Variants in GABRB3 observed in about 807,000 individuals in gnomAD.
The protein encoded by GABRB3 is gamma-aminobutyric acid receptor subunit beta-3.
In GABRB3, 14 loss-of-function variants were observed where a neutral mutation model predicts 52.1. The ratio of observed to expected loss-of-function variants is 0.27; its 90% CI spans 0.18 to 0.42. The LOEUF (loss-of-function observed/expected upper bound fraction) is 0.42. Ranked by LOEUF, GABRB3 falls within the 10% of genes least tolerant of loss-of-function variation. The pLI is 1.00. For missense variants in GABRB3, 307 were observed against 609.1 expected (o/e 0.50, Z 5.22); for synonymous variants, 260 against 232.3 (o/e 1.12, Z -1.08).
chr15:26,740,844 T>A (rs569046486), intron 3 of GABRB3, among the ~76,000 whole-genome samples: 1 of 152,170 alleles, frequency 6.6e-6, no homozygotes, highest in South Asian at 2.1e-4. Flanking sequence ...ACTCTCAGAG[T>A]CTGCTGGTGT....
At chr15:26,606,780 A>ATATCTATC (rs1483873150) in intron 4 of GABRB3, among the ~76,000 whole-genome samples, 2 of 131,952 alleles carry the variant, frequency 1.5e-5, no homozygotes, top group Admixed American at 8.8e-5. Flanking sequence ...ATAGATAGAT[A>ATATCTATC]GATATATCTA....
chr15:26,727,475 T>C (rs1889804523), intron 3 of GABRB3, among the ~76,000 whole-genome samples: 1 of 152,236 alleles, frequency 6.6e-6, no homozygotes, highest in African/African-American at 2.4e-5. Context: ...AATTCTGTTC[T>C]ATGCTGTTTC....
At chr15:26,729,270 C>T (rs981047964) in intron 3 of GABRB3, among the ~76,000 whole-genome samples, 20 of 151,996 alleles carry the variant, frequency 1.3e-4, no homozygotes, top group African/African-American at 4.1e-4. Flanking sequence ...CCGACTGGCC[C>T]TCGGGAGTGA....
chr15:26,598,423 C>A lies in GABRB3; in HGVS notation c.462-15009G>T, dbSNP rs1297954264. On this transcript the variant is annotated intron_variant, in intron 4 of 8. Coordinates refer to ENST00000311550, the MANE Select transcript of GABRB3 (RefSeq NM_000814.6). ...GCCAGACTACACCTTCACCCCTCCA[C>A]CCCACAGAGAAAGATCAAATAGCCA... is the stretch of plus-strand genomic sequence containing the variant. Among the ~76,000 whole-genome samples the A allele has an allele frequency of 1.3e-5, 2 of 152,096 alleles. 1 individual carries two copies. The highest frequency in any genetic ancestry group is 3.9e-4 in the East Asian group (2 of 5,186).
intron 3 of GABRB3, among the ~76,000 whole-genome samples, chr15:26,724,341 A>T (rs1476590541): frequency 6.6e-6 from 1 of 152,124 alleles, no homozygotes; most frequent in Non-Finnish European, 1.5e-5. Flanking sequence ...TTCCCTAGGG[A>T]AATTTTGGAA....
At chr15:26,551,007 C>CGT (rs1889442960) in intron 8 of GABRB3, among the ~76,000 whole-genome samples, 1 of 152,124 alleles carries the variant, frequency 6.6e-6, no homozygotes, top group Admixed American at 6.5e-5. Context: ...TGAAGAGCAC[C>CGT]TGAAATATTT....
At chr15:26,666,218 T>C (rs920597689) in intron 3 of GABRB3, among the ~76,000 whole-genome samples, 1 of 152,210 alleles carries the variant, frequency 6.6e-6, no homozygotes, top group Non-Finnish European at 1.5e-5. Flanking sequence ...GATGAAAGCA[T>C]TACTCCTTCA....
At chr15:26,753,197 C>T (rs888758913) in intron 3 of GABRB3, among the ~76,000 whole-genome samples, 2 of 152,120 alleles carry the variant, frequency 1.3e-5, no homozygotes, top group South Asian at 4.1e-4. Context: ...TTCTTAGTGT[C>T]CCGTCACCGC....
At chr15:26,734,143 C>T (rs554938161) in intron 3 of GABRB3, among the ~76,000 whole-genome samples, 1 of 151,186 alleles carries the variant, frequency 6.6e-6, no homozygotes, top group South Asian at 2.1e-4. Context: ...AATTCTCCTA[C>T]CTCAGTATCT....
At chr15:26,744,558 T>A (rs941847575) in intron 3 of GABRB3, among the ~76,000 whole-genome samples, 1 of 152,118 alleles carries the variant, frequency 6.6e-6, no homozygotes, top group Non-Finnish European at 1.5e-5. Flanking sequence ...CCCGAGTACC[T>A]GGGATTACAG....
At chr15:26,756,948 G>A (rs967014469) in intron 3 of GABRB3, among the ~76,000 whole-genome samples, 2 of 152,174 alleles carry the variant, frequency 1.3e-5, no homozygotes, top group Admixed American at 6.5e-5. Flanking sequence ...CAACATGGCT[G>A]CCACCAGAAG....
At chr15:26,715,738 T>C (rs1349483020) in intron 3 of GABRB3, among the ~76,000 whole-genome samples, 1 of 152,206 alleles carries the variant, frequency 6.6e-6, no homozygotes, top group Admixed American at 6.5e-5. Context: ...GATAAGTAGA[T>C]TACTCTGATG....
At chr15:26,665,093 T>C (rs1411935338) in intron 3 of GABRB3, among the ~76,000 whole-genome samples, 1 of 152,218 alleles carries the variant, frequency 6.6e-6, no homozygotes, top group Non-Finnish European at 1.5e-5. Flanking sequence ...ATTTTATATT[T>C]TAGCATTTTA....
chr15:26,606,321 A>C (rs1304816380), intron 4 of GABRB3, among the ~76,000 whole-genome samples: 1 of 152,184 alleles, frequency 6.6e-6, no homozygotes, highest in Non-Finnish European at 1.5e-5. Flanking sequence ...TAACACAAAG[A>C]GTAAATGCTT....
intron 4 of GABRB3, among the ~76,000 whole-genome samples, chr15:26,583,931 C>T (rs796209005): frequency 8.7e-4 from 133 of 152,032 alleles, no homozygotes; most frequent in African/African-American, 2.8e-3. Context: ...CCTGCCACCA[C>T]GCCCAGCTAA....
At chr15:26,565,011 T>C (rs1386333619) in intron 7 of GABRB3, among the ~76,000 whole-genome samples, 1 of 152,236 alleles carries the variant, frequency 6.6e-6, no homozygotes, top group Non-Finnish European at 1.5e-5. Flanking sequence ...AGCTTCTCTG[T>C]ATTCTATTTT....
At chr15:26,710,803 G>A (rs986931211) in intron 3 of GABRB3, among the ~76,000 whole-genome samples, 1 of 151,770 alleles carries the variant, frequency 6.6e-6, no homozygotes, top group Non-Finnish European at 1.5e-5. Flanking sequence ...AGCTATAAAC[G>A]TTTTTTCTAT....
chr15:26,758,088 GAAA>G (rs139302744), intron 3 of GABRB3, among the ~76,000 whole-genome samples: 1 of 141,800 alleles, frequency 7.1e-6, no homozygotes, highest in East Asian at 2.0e-4. Flanking sequence ...TAGCCATACA[GAAA>G]AAAAAAAAAC....
intron 3 of GABRB3, among the ~76,000 whole-genome samples, chr15:26,637,481 T>A (rs998948730): frequency 6.6e-6 from 1 of 152,222 alleles, no homozygotes; most frequent in South Asian, 2.1e-4. Context: ...GGTTCGTAGA[T>A]GTATCTGCAG....
Sources: gnomAD v4.1 joint callset for allele counts (sites outside exome capture counted in the v4.1 genomes callset) on GRCh38, gnomAD v4.1.1 for gene constraint, MANE v1.5 for transcripts, NCBI Gene and HGNC (gene_info 2026-07-23, HGNC 2026-07-21) for gene names.